Variants in ZFHX3 observed in about 807,000 individuals in gnomAD.
ZFHX3 encodes zinc finger homeobox protein 3.
In ZFHX3, 42 loss-of-function variants were observed where a neutral mutation model predicts 279.1. The ratio of observed to expected loss-of-function variants is 0.15; its 90% CI spans 0.12 to 0.19. The LOEUF is 0.19. Among genes scored for constraint, ZFHX3 ranks in the 10% least tolerant of loss-of-function variants. The pLI is 1.00. For missense variants in ZFHX3, 4,981 were observed against 4,754.0 expected (o/e 1.05, Z -1.40); for synonymous variants, 2,293 against 1,957.8 (o/e 1.17, Z -4.52).
intron 2 of ZFHX3, among the ~76,000 whole-genome samples, chr16:73,602,230 GT>G (rs2052126210): frequency 6.6e-6 from 1 of 152,114 alleles, no homozygotes; most frequent in African/African-American, 2.4e-5. Flanking sequence ...TGGCTGGTGG[GT>G]TTTTTCTAAA....
At chr16:73,355,309 A>G (rs1232380597) in intron 3 of ZFHX3, among the ~76,000 whole-genome samples, 1 of 152,204 alleles carries the variant, frequency 6.6e-6, no homozygotes, top group Non-Finnish European at 1.5e-5. Flanking sequence ...GACTCCTGAC[A>G]TGAATAATAA....
chr16:72,931,666 A>G (rs1276525194), intron 3 of ZFHX3, among the ~76,000 whole-genome samples: 2 of 151,942 alleles, frequency 1.3e-5, no homozygotes, highest in African/African-American at 2.4e-5. Flanking sequence ...TGCATACTTG[A>G]CTGCAGGTGC....
intron 7 of ZFHX3, among the ~76,000 whole-genome samples, chr16:72,806,788 G>A (rs117637090): frequency 4.0e-3 from 604 of 151,952 alleles, no homozygotes; most frequent in Non-Finnish European, 5.9e-3. Context: ...AGCATGGAAG[G>A]GAAACTGTGC....
intron 2 of ZFHX3, among the ~76,000 whole-genome samples, chr16:73,624,175 A>G (rs976690030): frequency 2.6e-5 from 4 of 152,246 alleles, no homozygotes; most frequent in African/African-American, 9.6e-5. Flanking sequence ...ATTATCAATT[A>G]CATTACATGG....
intron 3 of ZFHX3, among the ~76,000 whole-genome samples, chr16:73,381,344 T>C (rs1431350208): frequency 1.3e-5 from 2 of 152,268 alleles, no homozygotes; most frequent in Non-Finnish European, 1.5e-5. Context: ...GGTAATTTCA[T>C]GAATAGCTAT....
intron 2 of ZFHX3, among the ~76,000 whole-genome samples, chr16:73,512,939 A>G (rs758989356): frequency 7.2e-5 from 11 of 152,234 alleles, no homozygotes; most frequent in Non-Finnish European, 1.0e-4. Context: ...TGTGAAACCC[A>G]TCGGTGGCTG....
chr16:73,117,192 C>T (rs939358715), intron 7 of ZFHX3, among the ~76,000 whole-genome samples: 5 of 151,934 alleles, frequency 3.3e-5, no homozygotes, highest in Non-Finnish European at 7.4e-5. Flanking sequence ...TCTTTCCTTC[C>T]CTCTTTCCTT....
chr16:72,959,359 T>C lies in ZFHX3; in HGVS notation c.787A>G (p.Asn263Asp), dbSNP rs761259442. The change falls in exon 2 of 10, where the codon AAT becomes GAT. Residue 263 changes from asparagine (N) to aspartate (D), a missense_variant. Asn to Asp is a conservative substitution (Grantham distance 23). This residue lies in a region of ZFHX3 where 1,068 missense variants were observed against 935.2 expected (regional missense o/e 1.14). Transcript: ENST00000268489. ...CCATCGAATTTGGACAGGTCCACAT[T>C]GTTGGGAACATCTTTGGATACGCAG... The part of the protein sequence containing the change: ...SSCVSKDVPN[N>D]VDLSKFDGFV... 3 of 1,614,116 alleles carry C rather than the reference T, an allele frequency of 1.9e-6. No individual in the cohort carries two copies. Among genetic ancestry groups the C allele is most frequent in the African/African-American group, 2.7e-5 (2 of 74,934 alleles).
upstream of ZFHX3, among the ~76,000 whole-genome samples, chr16:73,063,470 C>T (rs1031983715): frequency 1.3e-5 from 2 of 152,166 alleles, no homozygotes; most frequent in African/African-American, 4.8e-5. Flanking sequence ...GGGTGCGCTT[C>T]TTCTGAGCGT....
chr16:73,273,471 T>G (rs905970485), intron 4 of ZFHX3, among the ~76,000 whole-genome samples: 1 of 152,198 alleles, frequency 6.6e-6, no homozygotes, highest in Non-Finnish European at 1.5e-5. Flanking sequence ...GTATTTTCCA[T>G]GCATATACCA....
chr16:72,801,664 A>G (rs1263028571), intron 7 of ZFHX3, among the ~76,000 whole-genome samples: 2 of 152,180 alleles, frequency 1.3e-5, no homozygotes, highest in Non-Finnish European at 2.9e-5. Flanking sequence ...GTGACATAGC[A>G]TTCTTGCCCC....
intron 3 of ZFHX3, among the ~76,000 whole-genome samples, chr16:72,916,685 C>A (rs1250817843): frequency 6.6e-6 from 1 of 152,132 alleles, no homozygotes; most frequent in Non-Finnish European, 1.5e-5. Context: ...TGTCTAGAAA[C>A]AGATCCAAAT....
At chr16:73,197,933 T>TTG (rs1968187562) in intron 5 of ZFHX3, among the ~76,000 whole-genome samples, 1 of 128,294 alleles carries the variant, frequency 7.8e-6, no homozygotes, top group Non-Finnish European at 1.7e-5. Flanking sequence ...GGTTTTTTTT[T>TTG]TTTTTTTTTT....
chr16:72,858,897 A>C (rs2037816775), intron 4 of ZFHX3, among the ~76,000 whole-genome samples: 2 of 152,154 alleles, frequency 1.3e-5, no homozygotes, highest in South Asian at 4.1e-4. Context: ...GGCCAAACCA[A>C]ACACGGCAGC....
intron 3 of ZFHX3, among the ~76,000 whole-genome samples, chr16:73,366,800 T>C (rs2016539293): frequency 6.6e-6 from 1 of 152,188 alleles, no homozygotes; most frequent in Non-Finnish European, 1.5e-5. Flanking sequence ...TTCATTACTT[T>C]CCAAATAGGT....
At position 73,847,051 on chromosome 16, in the gene ZFHX3, C is replaced by T. The variant is rs1158330980; in HGVS notation, c.-1608+44600G>A. Among the ~76,000 whole-genome samples the T allele has an allele frequency of 3.9e-5, 6 of 152,172 alleles. No homozygotes were observed. The East Asian group carries it at 5.8e-4, about 15-fold the overall frequency. On this transcript the variant is annotated intron_variant, in intron 1 of 17. Transcript: ENST00000641206. ...GCACAGTGGCTCACGCCTGTAATCC[C>T]AACATTTTGGGAGGCTGAGGCAGGA...
intron 2 of ZFHX3, among the ~76,000 whole-genome samples, chr16:73,469,588 C>A (rs1356688713): frequency 1.3e-5 from 2 of 151,942 alleles, no homozygotes; most frequent in Non-Finnish European, 2.9e-5. Context: ...CTTTTAAAAA[C>A]ATCCTGGTAC....
intron 5 of ZFHX3, among the ~76,000 whole-genome samples, chr16:73,229,025 ATG>A (rs2012691352): frequency 6.6e-6 from 1 of 152,162 alleles, no homozygotes; most frequent in South Asian, 2.1e-4. Flanking sequence ...TATACTCAAT[ATG>A]TTCAGGATTC....
chr16:73,633,562 G>A (rs1006992162), intron 2 of ZFHX3, among the ~76,000 whole-genome samples: 12 of 152,198 alleles, frequency 7.9e-5, no homozygotes, highest in African/African-American at 2.7e-4. Context: ...GTGGGTATAT[G>A]CGGTTTGACT....
Sources: allele counts gnomAD v4.1 joint callset (sites outside exome capture counted in the v4.1 genomes callset), GRCh38; gene constraint gnomAD v4.1.1; regional missense constraint gnomAD v4.1.1; transcripts MANE v1.5; gene names NCBI Gene and HGNC (gene_info 2026-07-23, HGNC 2026-07-21).